ITPR2: variants seen among roughly 807,000 people sequenced by gnomAD.
ITPR2 encodes inositol 1,4,5-trisphosphate-gated calcium channel ITPR2.
In ITPR2, 207 loss-of-function variants were observed where a neutral mutation model predicts 317.1. The ratio of observed to expected loss-of-function variants is 0.65; its 90% CI spans 0.58 to 0.73. ITPR2 has a LOEUF of 0.73. Ranked by LOEUF, ITPR2 falls within the 30% of genes least tolerant of loss-of-function variation. The pLI is 0.00. For missense variants in ITPR2, 2,613 were observed against 3,284.0 expected (o/e 0.80, Z 4.99); for synonymous variants, 1,156 against 1,149.1 (o/e 1.01, Z -0.12).
At position 26,609,474 on chromosome 12, in the gene ITPR2, G is replaced by T. The variant is rs573007855; in HGVS notation, c.3463-6768C>A. Among the ~76,000 whole-genome samples the T allele has an allele frequency of 4.6e-5, 7 of 152,248 alleles. No homozygotes were observed. The East Asian group carries it at 1.3e-3, about 29-fold the overall frequency. ...ATACAAAAATCAGCCAGGCGTGGTG[G>T]TGCACACATATGGTCCCAGCTACTC... On this transcript the variant is annotated intron_variant, in intron 26 of 56. Coordinates refer to ENST00000381340, the MANE Select transcript of ITPR2 (RefSeq NM_002223.4).
intron 8 of ITPR2, among the ~76,000 whole-genome samples, chr12:26,715,040 T>G (rs1029901284): frequency 6.6e-6 from 1 of 152,060 alleles, no homozygotes; most frequent in Non-Finnish European, 1.5e-5. Context: ...GTAATGTACC[T>G]TTTGTAAATG....
intron 36 of ITPR2, among the ~76,000 whole-genome samples, chr12:26,555,867 G>A (rs1321852154): frequency 6.6e-6 from 1 of 152,098 alleles, no homozygotes; most frequent in East Asian, 1.9e-4. Context: ...ATAAAAGCTA[G>A]CTCTTTTTCC....
intron 21 of ITPR2, among the ~76,000 whole-genome samples, chr12:26,632,392 T>C (rs1946775072): frequency 6.6e-6 from 1 of 152,182 alleles, no homozygotes; most frequent in Non-Finnish European, 1.5e-5. Flanking sequence ...AATAGGCCCT[T>C]GCTTTTACAA....
At chr12:26,572,517 T>TTGATTGA (rs780008792) in intron 34 of ITPR2, among the ~76,000 whole-genome samples, 7 of 152,356 alleles carry the variant, frequency 4.6e-5, no homozygotes, top group Middle Eastern at 3.4e-3. Flanking sequence ...ACTGAGGTGC[T>TTGATTGA]GCTTGATTCT....
chr12:26,778,186 T>A (rs1348303273), intron 2 of ITPR2, among the ~76,000 whole-genome samples: 1 of 152,018 alleles, frequency 6.6e-6, no homozygotes, highest in East Asian at 1.9e-4. Flanking sequence ...ACTACTGTGG[T>A]GGGAAAGGCC....
chr12:26,536,009 T>C (rs1944079695), intron 37 of ITPR2, among the ~76,000 whole-genome samples: 1 of 152,236 alleles, frequency 6.6e-6, no homozygotes, highest in Non-Finnish European at 1.5e-5. Context: ...AGCAGCATAC[T>C]TTCGTCCATA....
chr12:26,727,805 T>C (rs1007255627), intron 2 of ITPR2, among the ~76,000 whole-genome samples: 1 of 152,140 alleles, frequency 6.6e-6, no homozygotes, highest in Non-Finnish European at 1.5e-5. Flanking sequence ...GTGGCCAATT[T>C]CACAGGCAAC....
chr12:26,646,785 T>G (rs1053805566), intron 21 of ITPR2, among the ~76,000 whole-genome samples: 1 of 152,078 alleles, frequency 6.6e-6, no homozygotes, highest in Non-Finnish European at 1.5e-5. Flanking sequence ...TAAATGGAAT[T>G]CTCCATTGAA....
chr12:26,492,897 GTGTGTGTGTA>G (rs1369678781), intron 39 of ITPR2, among the ~76,000 whole-genome samples: 2 of 64,724 alleles, frequency 3.1e-5, no homozygotes, highest in Admixed American at 2.9e-4. Flanking sequence ...TGCACGATAT[GTGTGTGTGTA>G]TGTGTGTGTG....
chr12:26,732,454 C>A (rs1360194141), intron 2 of ITPR2, among the ~76,000 whole-genome samples: 1 of 152,168 alleles, frequency 6.6e-6, no homozygotes, highest in Non-Finnish European at 1.5e-5. Flanking sequence ...ACTGCCTGAC[C>A]TCTTAGTGGT....
intron 1 of ITPR2, among the ~76,000 whole-genome samples, chr12:26,795,265 T>G (rs1385716127): frequency 6.6e-6 from 1 of 152,184 alleles, no homozygotes; most frequent in Non-Finnish European, 1.5e-5. Flanking sequence ...ACATAAGAAG[T>G]TAATACCACA....
At chr12:26,752,531 G>A (rs752907908) in intron 2 of ITPR2, among the ~76,000 whole-genome samples, 12 of 152,162 alleles carry the variant, frequency 7.9e-5, no homozygotes, top group Non-Finnish European at 1.5e-4. Context: ...CCATGGCAAC[G>A]TCAGGAATTA....
intron 26 of ITPR2, among the ~76,000 whole-genome samples, chr12:26,605,536 T>C (rs1019734534): frequency 8.5e-5 from 13 of 152,204 alleles, no homozygotes; most frequent in African/African-American, 3.1e-4. Context: ...ATGTCAACTT[T>C]AAAGAAAGCT....
At chr12:26,492,591 T>C (rs936350211) in intron 39 of ITPR2, among the ~76,000 whole-genome samples, 1 of 152,220 alleles carries the variant, frequency 6.6e-6, no homozygotes, top group African/African-American at 2.4e-5. Flanking sequence ...AATAGTATTC[T>C]GTCATGTTTA....
At chr12:26,605,249 C>G (rs920902006) in intron 26 of ITPR2, among the ~76,000 whole-genome samples, 2 of 151,474 alleles carry the variant, frequency 1.3e-5, no homozygotes, top group African/African-American at 4.8e-5. Flanking sequence ...GGCTAGAGGT[C>G]AGAGTATAAA....
chr12:26,422,276 G>A (rs1033571031), intron 49 of ITPR2, among the ~76,000 whole-genome samples: 11 of 149,570 alleles, frequency 7.4e-5, no homozygotes, highest in Middle Eastern at 3.5e-3. Flanking sequence ...AATTATTATT[G>A]AATTATTGAA....
chr12:26,706,598 G>C (rs181335296), intron 9 of ITPR2, among the ~76,000 whole-genome samples: 90 of 152,000 alleles, frequency 5.9e-4, no homozygotes, highest in Non-Finnish European at 7.4e-5. Flanking sequence ...ACCATTTCTT[G>C]CACATCCTTG....
chr12:26,618,884 G>T (rs1395310092), intron 26 of ITPR2, among the ~76,000 whole-genome samples: 1 of 152,110 alleles, frequency 6.6e-6, no homozygotes, highest in African/African-American at 2.4e-5. Context: ...TACAAAATAG[G>T]CTAAATAAAT....
At chr12:26,704,768 A>G (rs920514429) in intron 9 of ITPR2, among the ~76,000 whole-genome samples, 1 of 152,058 alleles carries the variant, frequency 6.6e-6, no homozygotes, top group African/African-American at 2.4e-5. Context: ...AACTTTTTTT[A>G]CACACAAAGG....
Sources: gnomAD v4.1 joint callset for allele counts (sites outside exome capture counted in the v4.1 genomes callset) on GRCh38, gnomAD v4.1.1 for gene constraint, MANE v1.5 for transcripts, NCBI Gene and HGNC (gene_info 2026-07-23, HGNC 2026-07-21) for gene names.